IL31RA: variants seen among roughly 807,000 people sequenced by gnomAD.
IL31RA encodes interleukin 31 receptor A, also known as interleukin-31 receptor subunit alpha.
Under a neutral mutation model 83.7 loss-of-function variants are expected in IL31RA, and 66 were observed. The ratio of observed to expected loss-of-function variants is 0.79; its 90% CI spans 0.65 to 0.97. The LOEUF (loss-of-function observed/expected upper bound fraction) is 0.97. IL31RA is among the 50% of genes least tolerant of loss of function. The probability of loss-of-function intolerance (pLI) is 0.00; values close to 1 mark genes in which losing one functional copy is unlikely to be tolerated. For missense variants in IL31RA, 798 were observed against 919.4 expected (o/e 0.87, Z 1.71); for synonymous variants, 325 against 329.0 (o/e 0.99, Z 0.13).
At chr5:55,890,363 A>ATTTGT (rs758425306) in intron 6 of IL31RA, among the ~76,000 whole-genome samples, 23 of 151,982 alleles carry the variant, frequency 1.5e-4, no homozygotes, top group Non-Finnish European at 1.8e-4. Context: ...GTATCATATC[A>ATTTGT]TTTGTTTTGT....
At chr5:55,882,887 G>A (rs1747329645) in intron 4 of IL31RA, among the ~76,000 whole-genome samples, 157 bp from the exon 5 acceptor site, 1 of 152,050 alleles carries the variant, frequency 6.6e-6, no homozygotes, top group Admixed American at 6.6e-5. Context: ...TTGGGGTTGG[G>A]GGGGTGACAT....
At chr5:55,914,481 G>T (rs1413932077) in intron 13 of IL31RA, among the ~76,000 whole-genome samples, 1 of 152,118 alleles carries the variant, frequency 6.6e-6, no homozygotes, top group South Asian at 2.1e-4. Flanking sequence ...GGAAAGTATG[G>T]GTAGCTTATA....
intron 7 of IL31RA, among the ~76,000 whole-genome samples, chr5:55,898,863 A>C (rs957814730): frequency 6.6e-6 from 1 of 152,060 alleles, no homozygotes; most frequent in Non-Finnish European, 1.5e-5. Flanking sequence ...GTCTCTACTA[A>C]AAATACAAAA....
rs1036298219 is a variant in IL31RA, at chr5:55,885,502, C to T, written c.606+2307C>T. Among the ~76,000 whole-genome samples, 6 of 152,336 alleles carry T rather than the reference C, an allele frequency of 3.9e-5. No individual in the cohort carries two copies. In the South Asian group the frequency reaches 1.2e-3, roughly 32 times the overall value. On this transcript the variant is annotated intron_variant, in intron 5 of 14. Transcript: ENST00000652347. Reference sequence around the variant, plus strand: ...ACACAGGAGCTAAAGAGGCCAGGCTCCTTCCCCCTGCACAAAGCGTGAACT... The same window carrying T: ...ACACAGGAGCTAAAGAGGCCAGGCTTCTTCCCCCTGCACAAAGCGTGAACT...
At chr5:55,882,533 A>G (rs1054858391) in intron 4 of IL31RA, among the ~76,000 whole-genome samples, 2 of 152,172 alleles carry the variant, frequency 1.3e-5, no homozygotes, top group Admixed American at 6.5e-5. Context: ...GTATTTTTCT[A>G]CACTTAAAAA....
intron 12 of IL31RA, 117 bp from the exon 13 acceptor site, chr5:55,913,360 G>T: frequency 1.3e-6 from 1 of 751,312 alleles, no homozygotes. Flanking sequence ...GAATTTAACT[G>T]AAAGAAAACT....
intron 6 of IL31RA, 123 bp from the exon 7 acceptor site, chr5:55,896,227 C>G (rs1202690540): frequency 1.1e-5 from 8 of 748,480 alleles, no homozygotes; most frequent in Non-Finnish European, 2.0e-5. Context: ...CATCCCTCCA[C>G]TCCTCACCTT....
intron 8 of IL31RA, among the ~76,000 whole-genome samples, chr5:55,905,262 C>G (rs375836349): frequency 4.6e-5 from 7 of 151,560 alleles, no homozygotes; most frequent in East Asian, 1.9e-4. Flanking sequence ...CCCATGGATT[C>G]GAGTTTTGCA....
chr5:55,842,732 C>T, the IL31RA span, among the ~76,000 whole-genome samples: 1 of 152,166 alleles, frequency 6.6e-6, no homozygotes, highest in Non-Finnish European at 1.5e-5. Flanking sequence ...TGGGTGGGGC[C>T]TGTTCTTTAC....
At chr5:55,905,710 A>G (rs1228367805) in intron 8 of IL31RA, among the ~76,000 whole-genome samples, 1 of 152,170 alleles carries the variant, frequency 6.6e-6, no homozygotes, top group Non-Finnish European at 1.5e-5. Context: ...TTTTAAGGTC[A>G]CCATCTCCCA....
At chr5:55,849,269 G>T (rs1744999720), upstream of IL31RA, among the ~76,000 whole-genome samples, 2 of 148,604 alleles carry the variant, frequency 1.3e-5, no homozygotes, top group South Asian at 2.1e-4. Context: ...TGTTTATACT[G>T]CAATTTAATT....
At chr5:55,849,519 T>C (rs544585820), upstream of IL31RA, among the ~76,000 whole-genome samples, 26 of 152,232 alleles carry the variant, frequency 1.7e-4, no homozygotes, top group Non-Finnish European at 3.5e-4. Context: ...TATAACATTT[T>C]CTTTTTCCTG....
Position 55,922,735 on chromosome 5 carries a change from T to C in IL31RA, c.*5615T>C. On this transcript the variant is annotated 3_prime_UTR_variant, in exon 15 of 15. Transcript: ENST00000652347. ...ATAATACCATTTTCATGTAATGCTATACTTCTATACTATTTTCATGTAATA... is the reference window on the plus strand; with the variant it reads ...ATAATACCATTTTCATGTAATGCTACACTTCTATACTATTTTCATGTAATA... The C allele has an allele frequency of 2.6e-6, 1 of 390,614 alleles. No homozygotes were observed. Among genetic ancestry groups the C allele is most frequent in the African/African-American group, 2.0e-5 (1 of 49,384 alleles). 24.2% of individuals were successfully genotyped at this position (390,614 alleles called of 1,614,324 possible).
chr5:55,867,213 ATGTGTGTTTGTG>A (rs1456195969), intron 2 of IL31RA, among the ~76,000 whole-genome samples: 7,524 of 64,524 alleles, frequency 0.12, 1,283 homozygotes, highest in African/African-American at 0.31. Context: ...GTGTGTGCGC[ATGTGTGTTTGTG>A]TGTGTGTTTG....
intron 1 of IL31RA, among the ~76,000 whole-genome samples, chr5:55,856,014 A>G (rs1745343781): frequency 6.6e-6 from 1 of 152,210 alleles, no homozygotes. Context: ...CTCCTGCCTT[A>G]GCCTCCTGAG....
At chr5:55,848,962 C>T (rs562016985), upstream of IL31RA, among the ~76,000 whole-genome samples, 4 of 152,316 alleles carry the variant, frequency 2.6e-5, no homozygotes, top group African/African-American at 9.6e-5. Flanking sequence ...TCACATTGCT[C>T]CTCCTAGGAG....
intron 8 of IL31RA, among the ~76,000 whole-genome samples, chr5:55,905,202 A>AG (rs1235101787): frequency 5.6e-5 from 8 of 142,732 alleles, no homozygotes; most frequent in African/African-American, 2.1e-4. Flanking sequence ...CTCTGCCTCA[A>AG]AAAAAAAAAA....
At chr5:55,879,425 C>CTTTTTTTTTTTTTTTTTTTTTGTTTTTT (rs1747058501) in intron 4 of IL31RA, among the ~76,000 whole-genome samples, 1 of 45,800 alleles carries the variant, frequency 2.2e-5, no homozygotes, top group Non-Finnish European at 3.6e-5. Flanking sequence ...AGTTTCTGTC[C>CTTTTTTTTTTTTTTTTTTTTTGTTTTTT]TTTTTTTTTT....
chr5:55,886,298 G>T (rs1019327174), intron 5 of IL31RA, among the ~76,000 whole-genome samples: 1 of 113,134 alleles, frequency 8.8e-6, no homozygotes, highest in African/African-American at 4.6e-5. Context: ...TTTTGAGGTG[G>T]AGTTTCACTC....
Sources: allele counts gnomAD v4.1 joint callset (sites outside exome capture counted in the v4.1 genomes callset), GRCh38; gene constraint gnomAD v4.1.1; transcripts MANE v1.5; gene names NCBI Gene and HGNC (gene_info 2026-07-23, HGNC 2026-07-21).